The following SLC38A12 variants were observed in gnomAD, a reference collection of about 807,000 sequenced individuals.
SLC38A12 encodes the protein putative sodium-coupled neutral amino acid transporter 12.
the SLC38A12 span, among the ~76,000 whole-genome samples, chr17:74,798,674 C>A: frequency 6.6e-6 from 1 of 152,214 alleles, no homozygotes; most frequent in African/African-American, 2.4e-5. Context: ...GACCTCAGCC[C>A]TGTTATTAGG....
the SLC38A12 span, chr17:74,794,913 A>G: frequency 1.1e-6 from 1 of 952,214 alleles, no homozygotes; most frequent in Non-Finnish European, 1.6e-6. Flanking sequence ...ACTGAAAGCT[A>G]TGGGAGAGGT....
chr17:74,818,970 G>A, the SLC38A12 span, among the ~76,000 whole-genome samples: 1 of 152,206 alleles, frequency 6.6e-6, no homozygotes, highest in Non-Finnish European at 1.5e-5. Context: ...AGTTTTCTGA[G>A]ACAGAGTTTG....
At chr17:74,807,961 G>A in the SLC38A12 span, among the ~76,000 whole-genome samples, 1 of 152,244 alleles carries the variant, frequency 6.6e-6, no homozygotes, top group Admixed American at 6.5e-5. Flanking sequence ...GAGCCGGGCT[G>A]TCCTCTATAA....
At chr17:74,795,438 C>A in the SLC38A12 span, 1 of 1,172,398 alleles carries the variant, frequency 8.5e-7, no homozygotes, top group Admixed American at 2.3e-5. Flanking sequence ...GGCGCTCAGG[C>A]AGCTGTGCAG....
At chr17:74,794,963 T>G in the SLC38A12 span, 2 of 1,451,226 alleles carry the variant, frequency 1.4e-6, no homozygotes, top group Non-Finnish European at 9.5e-7. Context: ...AAAAAAAACA[T>G]GCAGACATCT....
chr17:74,794,151 T>G, the SLC38A12 span, among the ~76,000 whole-genome samples: 1 of 152,218 alleles, frequency 6.6e-6, no homozygotes, highest in Admixed American at 6.5e-5. Context: ...GCACCTGGCC[T>G]TTCTAGCTGG....
At chr17:74,799,614 C>T in the SLC38A12 span, among the ~76,000 whole-genome samples, 2 of 152,212 alleles carry the variant, frequency 1.3e-5, no homozygotes, top group Non-Finnish European at 2.9e-5. Flanking sequence ...CTGCTGGCCT[C>T]TCTTCCTAGA....
At chr17:74,835,890 T>A in the SLC38A12 span, 9 of 1,566,382 alleles carry the variant, frequency 5.7e-6, no homozygotes, top group African/African-American at 1.4e-5. Context: ...GGGCCGTGCC[T>A]GTCCCCACCA....
chr17:74,828,028 G>A, the SLC38A12 span, among the ~76,000 whole-genome samples: 7 of 152,188 alleles, frequency 4.6e-5, no homozygotes, highest in South Asian at 2.1e-4. Context: ...CTGGAGTGCC[G>A]GTGCCTGAGC....
At chr17:74,831,741 G>A in the SLC38A12 span, among the ~76,000 whole-genome samples, 2 of 152,216 alleles carry the variant, frequency 1.3e-5, no homozygotes, top group African/African-American at 4.8e-5. Context: ...GTGAAGTCCT[G>A]GGTGTCTGGT....
At chr17:74,836,225 G>A in the SLC38A12 span, 55 of 1,611,544 alleles carry the variant, frequency 3.4e-5, no homozygotes, top group East Asian at 1.8e-4. The surrounding 1 kb of genome is among the most constrained non-coding windows in gnomAD (Gnocchi z 4.2). Flanking sequence ...TCAACTTCGC[G>A]CGCTGTGACG....
the SLC38A12 span, among the ~76,000 whole-genome samples, chr17:74,815,335 C>G: frequency 1.3e-5 from 2 of 152,138 alleles, no homozygotes; most frequent in African/African-American, 4.8e-5. Context: ...TGGGACAATG[C>G]GGCCTTGGGA....
chr17:74,837,481 A>G, the SLC38A12 span: 1 of 985,448 alleles, frequency 1.0e-6, no homozygotes, highest in Non-Finnish European at 1.2e-6. Flanking sequence ...GGCCTCCTAC[A>G]GTGCAGGTGG....
the SLC38A12 span, chr17:74,777,267 C>G: frequency 6.3e-7 from 1 of 1,595,146 alleles, no homozygotes; most frequent in Admixed American, 1.7e-5. Context: ...TTTTAAGGAG[C>G]TGCGGCAGCC....
chr17:74,803,941 C>CA, the SLC38A12 span, among the ~76,000 whole-genome samples: 2 of 152,104 alleles, frequency 1.3e-5, no homozygotes, highest in Non-Finnish European at 2.9e-5. Flanking sequence ...ATAAAAGTGT[C>CA]AAAAAACTCC....
the SLC38A12 span, chr17:74,788,975 G>A: frequency 5.0e-6 from 5 of 1,000,776 alleles, no homozygotes; most frequent in Admixed American, 2.7e-5. Flanking sequence ...GGCGGGCTCT[G>A]TCCACGGCAC....
chr17:74,800,299 G>A, the SLC38A12 span, among the ~76,000 whole-genome samples: 4 of 152,352 alleles, frequency 2.6e-5, no homozygotes, highest in Non-Finnish European at 4.4e-5. Flanking sequence ...GTGAGTGAGC[G>A]CCTTTGCACG....
At chr17:74,803,270 G>A in the SLC38A12 span, among the ~76,000 whole-genome samples, 1 of 152,332 alleles carries the variant, frequency 6.6e-6, no homozygotes, top group Non-Finnish European at 1.5e-5. Flanking sequence ...CAAAGGTGCA[G>A]AACCCCAAAG....
chr17:74,803,702 A>G, the SLC38A12 span, among the ~76,000 whole-genome samples: 17 of 152,276 alleles, frequency 1.1e-4, 1 homozygote, highest in East Asian at 1.9e-3. Flanking sequence ...GTGCGTGCAC[A>G]TGCATTTCCA....
Sources: allele counts gnomAD v4.1 joint callset (sites outside exome capture counted in the v4.1 genomes callset), GRCh38; gene constraint gnomAD v4.1.1; non-coding constraint Gnocchi (gnomAD v3.1); transcripts MANE v1.5; gene names NCBI Gene and HGNC (gene_info 2026-07-23, HGNC 2026-07-21).